Variants in ZDHHC2 observed in about 807,000 individuals in gnomAD.
ZDHHC2 encodes zDHHC palmitoyltransferase 2, also known as palmitoyltransferase ZDHHC2.
Under a neutral mutation model 55.6 loss-of-function variants are expected in ZDHHC2, and 51 were observed. The observed-to-expected ratio is 0.92, with a 90% CI of 0.73 to 1.16. ZDHHC2 has a LOEUF of 1.16. Among genes scored for constraint, ZDHHC2 ranks in the 50% most tolerant of loss-of-function variants. The probability of loss-of-function intolerance (pLI) is 0.00; values close to 1 mark genes in which losing one functional copy is unlikely to be tolerated. For synonymous variants in ZDHHC2, 199 were observed against 152.9 expected, an observed-to-expected ratio of 1.30 and a Z score of -2.22; for missense variants, 491 against 442.4, an observed-to-expected ratio of 1.11 and a Z score of -0.99.
chr8:17,192,968 A>G (rs972005414), intron 3 of ZDHHC2, among the ~76,000 whole-genome samples: 1 of 152,008 alleles, frequency 6.6e-6, no homozygotes, highest in Non-Finnish European at 1.5e-5. Context: ...GTTCTTTTCC[A>G]TTGGTCTATG....
At chr8:17,177,013 G>A (rs1563146074) in intron 1 of ZDHHC2, among the ~76,000 whole-genome samples, 1 of 152,170 alleles carries the variant, frequency 6.6e-6, no homozygotes, top group Non-Finnish European at 1.5e-5. Context: ...TGGAAGGGGT[G>A]TCACTTTTGA....
At chr8:17,180,856 C>A (rs935890435) in intron 1 of ZDHHC2, among the ~76,000 whole-genome samples, 1 of 152,308 alleles carries the variant, frequency 6.6e-6, no homozygotes, top group African/African-American at 2.4e-5. Context: ...AAGTACAATA[C>A]TAAGGAAGAA....
intron 1 of ZDHHC2, among the ~76,000 whole-genome samples, chr8:17,164,925 A>C (rs1804528856): frequency 6.6e-6 from 1 of 152,246 alleles, no homozygotes; most frequent in African/African-American, 2.4e-5. Flanking sequence ...AAGGTGACTT[A>C]AAATTCAGAC....
intron 6 of ZDHHC2, among the ~76,000 whole-genome samples, chr8:17,202,176 C>G (rs1806818128): frequency 1.3e-5 from 2 of 152,176 alleles, no homozygotes; most frequent in South Asian, 4.1e-4. Flanking sequence ...AGGCCATACA[C>G]ATAATCTGTA....
intron 3 of ZDHHC2, among the ~76,000 whole-genome samples, chr8:17,194,301 T>C (rs1184548259): frequency 6.7e-6 from 1 of 149,346 alleles, no homozygotes; most frequent in African/African-American, 2.4e-5. Flanking sequence ...TTGTAAAATA[T>C]TTTATACATA....
chr8:17,202,437 C>G (rs1454393199), intron 6 of ZDHHC2, among the ~76,000 whole-genome samples: 2 of 152,062 alleles, frequency 1.3e-5, no homozygotes, highest in African/African-American at 4.8e-5. Context: ...GTATTATGTT[C>G]TTTTTCAAAT....
chr8:17,165,123 G>C (rs1007329397), intron 1 of ZDHHC2, among the ~76,000 whole-genome samples: 11 of 152,180 alleles, frequency 7.2e-5, no homozygotes, highest in African/African-American at 2.7e-4. Flanking sequence ...CTGAGCTGGA[G>C]CTGTAATGAG....
At chr8:17,171,779 G>C (rs1181543951) in intron 1 of ZDHHC2, among the ~76,000 whole-genome samples, 1 of 151,352 alleles carries the variant, frequency 6.6e-6, no homozygotes, top group African/African-American at 2.4e-5. Flanking sequence ...CAGAAGGACA[G>C]ATACTGCCTT....
intron 1 of ZDHHC2, among the ~76,000 whole-genome samples, chr8:17,158,539 G>C (rs1804179026): frequency 6.6e-6 from 1 of 152,182 alleles, no homozygotes; most frequent in Non-Finnish European, 1.5e-5. Context: ...GGTGCTATAT[G>C]GCAGATCTTA....
chr8:17,190,632 G>A (rs1301617444), intron 3 of ZDHHC2, among the ~76,000 whole-genome samples: 1 of 152,030 alleles, frequency 6.6e-6, no homozygotes. Flanking sequence ...TTTTGAAAAT[G>A]AAGACTAGGC....
chr8:17,188,802 A>C (rs1805864453), intron 3 of ZDHHC2, among the ~76,000 whole-genome samples: 2 of 152,206 alleles, frequency 1.3e-5, no homozygotes, highest in African/African-American at 4.8e-5. Context: ...CACAACTGAA[A>C]ACAAACTTCT....
Position 17,210,491 on chromosome 8 carries a change from A to C in ZDHHC2, c.950+11A>C. ...TTCCACAGCTAAAAAGTAATCTCAT[A>C]TTTTTTTTCATTTTACTTTCAAATA... On this transcript the variant is annotated intron_variant, in intron 10 of 12. Coordinates refer to ENST00000262096, the MANE Select transcript of ZDHHC2 (RefSeq NM_016353.5). The C allele has an allele frequency of 6.4e-7, 1 of 1,566,686 alleles. No homozygotes were observed. The highest frequency in any genetic ancestry group is 1.2e-5 in the South Asian group (1 of 85,258).
Position 17,156,636 on chromosome 8 carries a change from C to T in ZDHHC2, c.-88C>T. 3 of 1,061,524 alleles carry T rather than the reference C, an allele frequency of 2.8e-6. No homozygotes were observed. Among genetic ancestry groups the T allele is most frequent in the Non-Finnish European group, 3.4e-6 (3 of 872,924 alleles). The allele number at this position is 1,061,524 out of a possible 1,614,324, so 65.8% of individuals were successfully genotyped here. ...ACCCCGCCGCCGCCCAGGAGCCCGT[C>T]CAGCCAGGGGTGCCGGGCCCGCCCA... On this transcript the variant is annotated 5_prime_UTR_variant, in exon 1 of 13. Coordinates refer to ENST00000262096, the MANE Select transcript of ZDHHC2 (RefSeq NM_016353.5).
Position 17,209,995 on chromosome 8 carries a change from G to A in ZDHHC2, c.794G>A (p.Ser265Asn), listed in dbSNP as rs763152666. 6.2e-7 allele frequency: 1 copy of A among 1,610,918 alleles called. No individual in the cohort carries two copies. The highest frequency in any genetic ancestry group is 1.3e-5 in the African/African-American group (1 of 74,954). Residue 265 changes from serine to asparagine, a missense_variant, in exon 9 of 13, where the codon AGT becomes AAT. Physicochemically the swap from Ser to Asn is conservative, Grantham distance 46. Coordinates refer to ENST00000262096, the MANE Select transcript of ZDHHC2 (RefSeq NM_016353.5). Reference sequence around the variant, plus strand: ...AAGAATGGATTCAGCTTGGGTTTCAGTAAAAACATGCGACAAGTTTTTGGT... The same window carrying A: ...AAGAATGGATTCAGCTTGGGTTTCAATAAAAACATGCGACAAGTTTTTGGT... Reference protein sequence around the residue: ...TDKNGFSLGFSKNMRQVFGDE... With the variant: ...TDKNGFSLGFNKNMRQVFGDE...
rs565333307 is a variant in ZDHHC2 at position 17,210,247 on chromosome 8, A to T, written c.858-141A>T. The T allele has an allele frequency of 4.6e-5, 48 of 1,049,364 alleles. No homozygotes were observed. In the African/African-American group the frequency reaches 7.4e-4, roughly 16 times the overall value. 65.0% of individuals were successfully genotyped at this position (1,049,364 alleles called of 1,614,324 possible). On this transcript the variant is annotated intron_variant, in intron 9 of 12. Transcript: ENST00000262096. The stretch of plus-strand genomic sequence containing the variant: ...CAGTTAATTCATCATCTTCCTGAAC[A>T]CTATGTTGAGCTCAATGTCTAATAC...
At chr8:17,159,240 C>T (rs1804213318) in intron 1 of ZDHHC2, among the ~76,000 whole-genome samples, 1 of 152,238 alleles carries the variant, frequency 6.6e-6, no homozygotes, top group African/African-American at 2.4e-5. Context: ...ACATCTCAGA[C>T]TGCCCTGCCC....
intron 7 of ZDHHC2, 105 bp downstream of exon 7, chr8:17,205,880 A>T: frequency 9.0e-7 from 1 of 1,112,416 alleles, no homozygotes; most frequent in African/African-American, 1.6e-5. Context: ...ACCAGAGCTC[A>T]TTGACATGCA....
At chr8:17,192,635 C>T (rs1806092144) in intron 3 of ZDHHC2, among the ~76,000 whole-genome samples, 1 of 152,092 alleles carries the variant, frequency 6.6e-6, no homozygotes, top group African/African-American at 2.4e-5. Flanking sequence ...TGATGTGATC[C>T]CATTTGTCCA....
At chr8:17,200,242 T>C (rs969795736) in intron 6 of ZDHHC2, among the ~76,000 whole-genome samples, 3 of 152,234 alleles carry the variant, frequency 2.0e-5, no homozygotes, top group African/African-American at 7.2e-5. Flanking sequence ...GGGTCTCTTC[T>C]ACCTGGGTAG....
Sources: allele counts gnomAD v4.1 joint callset (sites outside exome capture counted in the v4.1 genomes callset), GRCh38; gene constraint gnomAD v4.1.1; transcripts MANE v1.5; gene names NCBI Gene and HGNC (gene_info 2026-07-23, HGNC 2026-07-21).